The following NCKAP5 variants were observed in gnomAD, a reference collection of about 807,000 sequenced individuals.
NCKAP5 encodes NCK associated protein 5.
A neutral mutation model predicts 167.0 loss-of-function variants in NCKAP5; 92 were observed. The observed-to-expected ratio is 0.55, with a 90% CI of 0.47 to 0.66. NCKAP5 has a LOEUF of 0.66. Among genes scored for constraint, NCKAP5 ranks in the 30% least tolerant of loss-of-function variants. The pLI is 0.00. For synonymous variants in NCKAP5, 891 were observed against 877.4 expected (o/e 1.02, Z -0.27); for missense variants, 2,378 against 2,315.0 (o/e 1.03, Z -0.56).
intron 3 of NCKAP5, among the ~76,000 whole-genome samples, chr2:133,333,257 A>G (rs1335354128): frequency 6.6e-6 from 1 of 152,150 alleles, no homozygotes; most frequent in African/African-American, 2.4e-5. Flanking sequence ...GCAGGGGATG[A>G]TAATGTTTAG....
intron 10 of NCKAP5, among the ~76,000 whole-genome samples, chr2:132,863,469 A>G (rs1558872180): frequency 6.6e-6 from 1 of 151,816 alleles, no homozygotes; most frequent in Non-Finnish European, 1.5e-5. Flanking sequence ...AAAAAAGAAA[A>G]AGAAAGAATG....
At chr2:133,549,239 G>C (rs1295244255) in intron 2 of NCKAP5, among the ~76,000 whole-genome samples, 1 of 152,060 alleles carries the variant, frequency 6.6e-6, no homozygotes, top group Non-Finnish European at 1.5e-5. Context: ...CAAGTCCTGA[G>C]TGACCTACAA....
chr2:132,730,818 C>T (rs1014954329), intron 17 of NCKAP5, among the ~76,000 whole-genome samples: 2 of 152,148 alleles, frequency 1.3e-5, no homozygotes, highest in South Asian at 2.1e-4. Context: ...AAAATGTAGC[C>T]TTGACTTGGA....
At position 132,782,610 on chromosome 2, in the gene NCKAP5, C is replaced by T. The variant is rs1441837450; in HGVS notation, c.4201G>A (p.Val1401Met). 3 of 1,593,890 alleles carry T rather than the reference C, an allele frequency of 1.9e-6. No homozygotes were observed. Among genetic ancestry groups the T allele is most frequent in the Non-Finnish European group, 1.7e-6 (2 of 1,169,886 alleles). ...CTGCCTGGTTCCCCAAGTACAGCCA[C>T]ATTGGCACTGGGGCACTCTCCCTGG... Reference protein sequence around the residue: ...FTQGECPSANVAVLGEPGSDR... With the variant: ...FTQGECPSANMAVLGEPGSDR... The change falls in exon 14 of 20, where the codon GTG (valine) becomes ATG (methionine). Residue 1401 changes from valine to methionine, a missense_variant. Physicochemically the swap from Val to Met is conservative, Grantham distance 21 (BLOSUM62 1). Transcript: ENST00000409261.
chr2:132,694,131 A>ATTT (rs1288124918), intron 19 of NCKAP5, among the ~76,000 whole-genome samples: 1 of 150,720 alleles, frequency 6.6e-6, no homozygotes, highest in Non-Finnish European at 1.5e-5. Context: ...TTATTTATTT[A>ATTT]TTTATTTTTT....
chr2:132,996,672 G>C (rs2149317966), intron 6 of NCKAP5, among the ~76,000 whole-genome samples: 1 of 152,302 alleles, frequency 6.6e-6, no homozygotes, highest in East Asian at 1.9e-4. Context: ...ACAACATTTG[G>C]TATAGGACTA....
At chr2:133,418,607 T>G (rs1367253135) in intron 3 of NCKAP5, among the ~76,000 whole-genome samples, 5 of 152,178 alleles carry the variant, frequency 3.3e-5, no homozygotes, top group African/African-American at 7.2e-5. Flanking sequence ...GTTATTTTAT[T>G]CTTGCCTCTC....
chr2:133,664,914 G>A, the NCKAP5 span, among the ~76,000 whole-genome samples: 1 of 152,180 alleles, frequency 6.6e-6, no homozygotes, highest in Non-Finnish European at 1.5e-5. Context: ...ATGTTATAGG[G>A]ATAGCTTCTT....
chr2:132,777,307 G>A (rs1204853613), intron 15 of NCKAP5, among the ~76,000 whole-genome samples: 2 of 152,252 alleles, frequency 1.3e-5, no homozygotes, highest in Non-Finnish European at 1.5e-5. Flanking sequence ...AGGAAGAAAT[G>A]TGCCTACAAG....
At chr2:133,260,977 G>A (rs2088877621) in intron 4 of NCKAP5, among the ~76,000 whole-genome samples, 1 of 152,070 alleles carries the variant, frequency 6.6e-6, no homozygotes, top group African/African-American at 2.4e-5. Flanking sequence ...CTCATTAATA[G>A]AAAAAATAAA....
chr2:133,375,290 GT>G (rs1205435089), intron 3 of NCKAP5, among the ~76,000 whole-genome samples: 1 of 152,140 alleles, frequency 6.6e-6, no homozygotes, highest in Non-Finnish European at 1.5e-5. Context: ...TTCTTCTAGG[GT>G]GTTAGTAATG....
intron 3 of NCKAP5, among the ~76,000 whole-genome samples, chr2:133,383,534 T>C (rs1489314411): frequency 2.6e-5 from 4 of 152,210 alleles, no homozygotes; most frequent in East Asian, 1.9e-4. Flanking sequence ...TACGTGTGCA[T>C]GTGTCTTTCT....
At chr2:133,034,089 C>A (rs973547297) in intron 6 of NCKAP5, among the ~76,000 whole-genome samples, 1 of 151,784 alleles carries the variant, frequency 6.6e-6, no homozygotes, top group Non-Finnish European at 1.5e-5. Flanking sequence ...CTCTCTAAGG[C>A]CAAGGATAAA....
chr2:133,417,273 C>A (rs747969702), intron 3 of NCKAP5, among the ~76,000 whole-genome samples: 2 of 151,726 alleles, frequency 1.3e-5, no homozygotes, highest in African/African-American at 2.4e-5. Flanking sequence ...CCCAGAATGG[C>A]CAGCTCTCTC....
intron 11 of NCKAP5, among the ~76,000 whole-genome samples, chr2:132,845,926 T>G (rs780621927): frequency 5.3e-5 from 8 of 152,228 alleles, no homozygotes; most frequent in Admixed American, 1.3e-4. Context: ...ATATTTCCAC[T>G]TATTCATTTC....
chr2:133,095,335 C>A (rs1017762618), intron 6 of NCKAP5, among the ~76,000 whole-genome samples: 7 of 152,238 alleles, frequency 4.6e-5, no homozygotes, highest in African/African-American at 1.7e-4. Context: ...GAACTGCCCC[C>A]ATCACTGTGC....
At chr2:133,077,069 T>G (rs988767434) in intron 6 of NCKAP5, among the ~76,000 whole-genome samples, 1 of 152,180 alleles carries the variant, frequency 6.6e-6, no homozygotes, top group Non-Finnish European at 1.5e-5. Flanking sequence ...TTTTTGGATA[T>G]TCTTATTTTA....
chr2:132,728,178 G>A (rs1442987795), intron 18 of NCKAP5, among the ~76,000 whole-genome samples: 13 of 152,122 alleles, frequency 8.5e-5, no homozygotes, highest in Admixed American at 8.5e-4. Context: ...CATGGTCAGA[G>A]TAACCTGCTG....
chr2:133,109,209 C>T (rs1018052142), intron 6 of NCKAP5, among the ~76,000 whole-genome samples: 2 of 152,312 alleles, frequency 1.3e-5, no homozygotes, highest in African/African-American at 4.8e-5. Flanking sequence ...TAAGATACCA[C>T]TTACTTGATT....
Sources: gnomAD v4.1 joint callset for allele counts (sites outside exome capture counted in the v4.1 genomes callset) on GRCh38, gnomAD v4.1.1 for gene constraint, MANE v1.5 for transcripts, NCBI Gene and HGNC (gene_info 2026-07-23, HGNC 2026-07-21) for gene names.